The following ITPR2 variants were observed in gnomAD, a reference collection of about 807,000 sequenced individuals.
ITPR2 encodes inositol 1,4,5-trisphosphate receptor type 2, also known as inositol 1,4,5-trisphosphate-gated calcium channel ITPR2.
A neutral mutation model predicts 317.1 loss-of-function variants in ITPR2; 207 were observed. The ratio of observed to expected loss-of-function variants is 0.65; its 90% CI spans 0.58 to 0.73. The LOEUF (loss-of-function observed/expected upper bound fraction) is 0.73, where lower values mean the gene tolerates loss of function less well. Ranked by LOEUF, ITPR2 falls within the 30% of genes least tolerant of loss-of-function variation. ITPR2 has a pLI of 0.00. For synonymous variants in ITPR2, 1,156 were observed against 1,149.1 expected (o/e 1.01, Z -0.12); for missense variants, 2,613 against 3,284.0 (o/e 0.80, Z 4.99).
intron 18 of ITPR2, 69 bp from the exon 19 acceptor site, chr12:26,656,617 T>C (rs1169577665): frequency 6.6e-7 from 1 of 1,504,580 alleles, no homozygotes; most frequent in African/African-American, 1.4e-5. Context: ...ATAGTACCAA[T>C]CAGTATCTAT....
chr12:26,522,442 C>T lies in ITPR2; in HGVS notation c.5074-27182G>A, dbSNP rs80123016. On this transcript the variant is annotated intron_variant, in intron 37 of 56. Transcript: ENST00000381340. Reference sequence around the variant, plus strand: ...ATCAGGATTTCCTTGAAATATGGTCCAACTTGGCCCAGTTTGTGGGTCAGT... The same window carrying T: ...ATCAGGATTTCCTTGAAATATGGTCTAACTTGGCCCAGTTTGTGGGTCAGT... 5.8e-3 allele frequency among the ~76,000 whole-genome samples: 880 copies of T among 152,210 alleles called. 11 individuals carry two copies. The highest frequency in any genetic ancestry group is 0.02 in the African/African-American group (828 of 41,520).
intron 34 of ITPR2, among the ~76,000 whole-genome samples, chr12:26,576,125 C>T (rs1026580986): frequency 2.6e-5 from 4 of 152,136 alleles, no homozygotes; most frequent in Admixed American, 2.0e-4. Context: ...CTTTGCTTTT[C>T]CTTTGATTTT....
chr12:26,340,812 G>C (rs562164102), intron 55 of ITPR2, among the ~76,000 whole-genome samples: 13 of 152,304 alleles, frequency 8.5e-5, no homozygotes, highest in African/African-American at 3.1e-4. Context: ...CTCCCCACCA[G>C]CTCTGCCTCC....
At chr12:26,411,274 T>C (rs780189965) in intron 52 of ITPR2, 46 bp downstream of exon 52, 4 of 1,283,836 alleles carry the variant, frequency 3.1e-6, no homozygotes, top group Non-Finnish European at 4.5e-6. Flanking sequence ...TAAATAAAAC[T>C]TCAAAGATAT....
At position 26,705,535 on chromosome 12, in the gene ITPR2, T is replaced by C. The variant is rs1026394660; in HGVS notation, c.951+5638A>G. Among the ~76,000 whole-genome samples the C allele has an allele frequency of 1.3e-5, 2 of 152,320 alleles. 1 individual carries two copies. Among genetic ancestry groups the C allele is most frequent in the East Asian group, 3.9e-4 (2 of 5,190 alleles). On this transcript the variant is annotated intron_variant, in intron 9 of 56. Coordinates refer to ENST00000381340, the MANE Select transcript of ITPR2 (RefSeq NM_002223.4). ...CTCCCTAATGATCTTACCTGCGCTC[T>C]GAAAACCCAAATCTAACACTGGTCA... is the stretch of plus-strand genomic sequence containing the variant.
intron 2 of ITPR2, among the ~76,000 whole-genome samples, chr12:26,783,581 G>A (rs971659028): frequency 2.0e-5 from 3 of 152,126 alleles, no homozygotes; most frequent in African/African-American, 7.2e-5. Context: ...CTAGAGAAGG[G>A]GGAGAAGGGT....
intron 45 of ITPR2, among the ~76,000 whole-genome samples, chr12:26,459,720 T>C (rs1941968636): frequency 6.6e-6 from 1 of 152,204 alleles, no homozygotes; most frequent in Non-Finnish European, 1.5e-5. Context: ...ACTCCTCTCA[T>C]TCCAATTGAT....
Position 26,428,077 on chromosome 12 carries a change from G to C in ITPR2, c.6781C>G (p.Pro2261Ala). 1.3e-6 allele frequency: 2 copies of C among 1,597,982 alleles called. No homozygotes were observed. The highest frequency in any genetic ancestry group is 1.7e-6 in the Non-Finnish European group (2 of 1,174,516). Reference protein sequence around the residue: ...GDDGDEGTLSPLFSVLLWIAV... With the variant: ...GDDGDEGTLSALFSVLLWIAV... ...ATCCAAAGAAGAACCGAGAACAATGGAGAAAGTGTACCTGTAAAATGTGGA... is the reference window on the plus strand; with the variant it reads ...ATCCAAAGAAGAACCGAGAACAATGCAGAAAGTGTACCTGTAAAATGTGGA... Residue 2261 changes from proline (P) to alanine (A), a missense_variant, in exon 49 of 57, where the codon CCA (proline) becomes GCA (alanine). Around this residue, in one of 9 missense-constraint regions of ITPR2, gnomAD observed 926 missense variants for 1,072.8 expected, o/e 0.86. Transcript: ENST00000381340.
chr12:26,411,482 C>T, intron 51 of ITPR2, 70 bp from the exon 52 acceptor site: 2 of 1,044,148 alleles, frequency 1.9e-6, no homozygotes, highest in South Asian at 1.4e-5. Flanking sequence ...ACCTACAGTT[C>T]TAAAGATATG....
At chr12:26,733,137 A>G (rs1478655685) in intron 2 of ITPR2, among the ~76,000 whole-genome samples, 1 of 151,868 alleles carries the variant, frequency 6.6e-6, no homozygotes, top group Non-Finnish European at 1.5e-5. Context: ...AACATGGCAA[A>G]ACCCCATCTC....
At chr12:26,511,206 C>A (rs890327764) in intron 37 of ITPR2, among the ~76,000 whole-genome samples, 7 of 152,294 alleles carry the variant, frequency 4.6e-5, no homozygotes, top group Admixed American at 2.6e-4. Context: ...ATCAGTGGAA[C>A]AGGAGCATCC....
At chr12:26,435,268 G>A (rs926740775) in intron 48 of ITPR2, among the ~76,000 whole-genome samples, 3 of 151,968 alleles carry the variant, frequency 2.0e-5, no homozygotes, top group Non-Finnish European at 2.9e-5. Flanking sequence ...TTTCCACTAC[G>A]CTTCCTTATG....
At chr12:26,615,991 AGG>A (rs1946364749) in intron 26 of ITPR2, among the ~76,000 whole-genome samples, 1 of 152,150 alleles carries the variant, frequency 6.6e-6, no homozygotes, top group African/African-American at 2.4e-5. Flanking sequence ...GATGTACAAT[AGG>A]TCAAAAAGCA....
intron 2 of ITPR2, among the ~76,000 whole-genome samples, chr12:26,782,066 A>C (rs550540793): frequency 1.3e-3 from 173 of 136,524 alleles, no homozygotes; most frequent in African/African-American, 4.7e-3. Context: ...AGAGAGAGAG[A>C]GAGAGAGCGA....
chr12:26,488,239 A>G (rs1016634676), intron 39 of ITPR2, among the ~76,000 whole-genome samples: 4 of 152,224 alleles, frequency 2.6e-5, no homozygotes. Context: ...ACTGTAGTGA[A>G]TAAAAGAGTT....
intron 2 of ITPR2, among the ~76,000 whole-genome samples, chr12:26,727,301 C>G (rs1475554770): frequency 6.6e-6 from 1 of 152,170 alleles, no homozygotes; most frequent in Non-Finnish European, 1.5e-5. Context: ...TTTTGACTAT[C>G]CTATATTAGG....
intron 35 of ITPR2, among the ~76,000 whole-genome samples, chr12:26,558,779 A>T (rs1944734024): frequency 6.6e-6 from 1 of 152,180 alleles, no homozygotes; most frequent in South Asian, 2.1e-4. Flanking sequence ...TCCAGCATGG[A>T]CATCTTTCTA....
At chr12:26,380,129 A>C (rs557273377) in intron 55 of ITPR2, among the ~76,000 whole-genome samples, 102 of 152,296 alleles carry the variant, frequency 6.7e-4, no homozygotes, top group Non-Finnish European at 1.2e-3. Flanking sequence ...CACTTCCAGC[A>C]CCAAAGTCTA....
intron 47 of ITPR2, among the ~76,000 whole-genome samples, chr12:26,437,352 C>T (rs898076166): frequency 2.0e-5 from 3 of 152,216 alleles, no homozygotes; most frequent in African/African-American, 7.2e-5. Flanking sequence ...TGCCTACTTA[C>T]AAACTGTACT....
Sources: gnomAD v4.1 joint callset for allele counts (sites outside exome capture counted in the v4.1 genomes callset) on GRCh38, gnomAD v4.1.1 for gene constraint, gnomAD v4.1.1 regional missense constraint, MANE v1.5 for transcripts, NCBI Gene and HGNC (gene_info 2026-07-23, HGNC 2026-07-21) for gene names.